ADAMTS6: variants seen among roughly 807,000 people sequenced by gnomAD.
The protein encoded by ADAMTS6 is ADAM metallopeptidase with thrombospondin type 1 motif 6.
A neutral mutation model predicts 144.3 loss-of-function variants in ADAMTS6; 23 were observed. The ratio of observed to expected loss-of-function variants is 0.16; its 90% CI spans 0.11 to 0.23. ADAMTS6 has a LOEUF of 0.23. ADAMTS6 is among the 10% of genes least tolerant of loss of function. The pLI, the probability that ADAMTS6 is intolerant of heterozygous loss-of-function variation, is 1.00. For missense variants in ADAMTS6, 999 were observed against 1,379.6 expected, an observed-to-expected ratio of 0.72 and a Z score of 4.37; for synonymous variants, 444 against 457.5, an observed-to-expected ratio of 0.97 and a Z score of 0.38.
chr5:65,457,327 G>C (rs1209581127), intron 4 of ADAMTS6, among the ~76,000 whole-genome samples: 1 of 152,184 alleles, frequency 6.6e-6, no homozygotes, highest in Non-Finnish European at 1.5e-5. Flanking sequence ...AAATAGACTA[G>C]AGTTTGGGGT....
At chr5:65,178,129 G>A (rs890752659) in intron 22 of ADAMTS6, among the ~76,000 whole-genome samples, 5 of 152,216 alleles carry the variant, frequency 3.3e-5, no homozygotes, top group African/African-American at 1.2e-4. Context: ...CCGAGCGGAT[G>A]TGTGATGGTA....
intron 20 of ADAMTS6, among the ~76,000 whole-genome samples, chr5:65,211,100 A>G (rs554747932): frequency 1.3e-5 from 2 of 152,254 alleles, no homozygotes; most frequent in South Asian, 4.1e-4. Context: ...ATTAAGGAGA[A>G]GATGACTCTG....
At chr5:65,292,977 T>C (rs747861911) in intron 10 of ADAMTS6, among the ~76,000 whole-genome samples, 5 of 152,122 alleles carry the variant, frequency 3.3e-5, no homozygotes, top group Admixed American at 6.5e-5. Flanking sequence ...AAATTACCTC[T>C]AGATGAATTT....
chr5:65,453,818 A>C (rs1225979551), intron 4 of ADAMTS6, among the ~76,000 whole-genome samples: 1 of 152,210 alleles, frequency 6.6e-6, no homozygotes, highest in African/African-American at 2.4e-5. Flanking sequence ...GTGAGGAATA[A>C]TTAGATTAAT....
At chr5:65,425,005 G>GT (rs201343092) in intron 7 of ADAMTS6, among the ~76,000 whole-genome samples, 1,900 of 151,294 alleles carry the variant, frequency 0.013, 40 homozygotes, top group African/African-American at 0.044. Context: ...TGTTTGTTTT[G>GT]TTTTTTTTGA....
At chr5:65,358,385 T>C (rs1203052955) in intron 7 of ADAMTS6, among the ~76,000 whole-genome samples, 2 of 151,666 alleles carry the variant, frequency 1.3e-5, no homozygotes, top group Non-Finnish European at 3.0e-5. Context: ...AAGGTGAAGG[T>C]TTTTCCTCTA....
intron 15 of ADAMTS6, among the ~76,000 whole-genome samples, chr5:65,232,395 A>C (rs1299009756): frequency 1.3e-5 from 2 of 152,124 alleles, no homozygotes; most frequent in Non-Finnish European, 2.9e-5. Flanking sequence ...AAATAAAATA[A>C]ATTGAAAAGA....
At chr5:65,390,789 C>T (rs1375588267) in intron 7 of ADAMTS6, among the ~76,000 whole-genome samples, 1 of 152,166 alleles carries the variant, frequency 6.6e-6, no homozygotes. Context: ...GAATTATAGA[C>T]ACCAGAGCTA....
chr5:65,193,881 CAA>C (rs1235784050), intron 21 of ADAMTS6, among the ~76,000 whole-genome samples: 1 of 152,100 alleles, frequency 6.6e-6, no homozygotes, highest in Non-Finnish European at 1.5e-5. Context: ...TAAACGTTGT[CAA>C]AGACTTCAAA....
chr5:65,291,210 C>A, intron 11 of ADAMTS6, 119 bp downstream of exon 11: 1 of 1,221,370 alleles, frequency 8.2e-7, no homozygotes, highest in Non-Finnish European at 1.1e-6. Context: ...GTGTCAAAAG[C>A]CATATTTAAA....
intron 7 of ADAMTS6, among the ~76,000 whole-genome samples, chr5:65,436,485 C>T (rs1435763817): frequency 6.6e-6 from 1 of 152,082 alleles, no homozygotes; most frequent in Non-Finnish European, 1.5e-5. Flanking sequence ...CACCTCAAAG[C>T]CAGGCTTCAT....
chr5:65,200,452 A>G (rs1410085564), intron 20 of ADAMTS6, among the ~76,000 whole-genome samples: 1 of 152,210 alleles, frequency 6.6e-6, no homozygotes, highest in Non-Finnish European at 1.5e-5. Context: ...AAACATTGCT[A>G]AGATGTTGAT....
intron 16 of ADAMTS6, among the ~76,000 whole-genome samples, chr5:65,225,786 T>A (rs752204294): frequency 2.6e-5 from 4 of 152,216 alleles, no homozygotes; most frequent in Non-Finnish European, 5.9e-5. Context: ...TCTCTTTTTC[T>A]ATCATCTTGT....
At chr5:65,223,518 T>C (rs910285651) in intron 18 of ADAMTS6, among the ~76,000 whole-genome samples, 1 of 152,192 alleles carries the variant, frequency 6.6e-6, no homozygotes, top group Non-Finnish European at 1.5e-5. Context: ...ACACTCTCTG[T>C]TTGACTTTTT....
chr5:65,347,321 A>G (rs1427365335), intron 7 of ADAMTS6, among the ~76,000 whole-genome samples: 31 of 152,068 alleles, frequency 2.0e-4, no homozygotes. Context: ...CCAATGGAAC[A>G]GAACAGAGAG....
At chr5:65,444,077 T>C (rs1262889558) in intron 7 of ADAMTS6, among the ~76,000 whole-genome samples, 1 of 152,186 alleles carries the variant, frequency 6.6e-6, no homozygotes, top group Admixed American at 6.6e-5. Flanking sequence ...ATCATCTTTA[T>C]ATATGGAATC....
At chr5:65,448,323 GGATAACATTTTGAGTTTTT>G (rs1254481025) in intron 7 of ADAMTS6, among the ~76,000 whole-genome samples, 3 of 152,078 alleles carry the variant, frequency 2.0e-5, no homozygotes, top group Non-Finnish European at 4.4e-5. Context: ...GTAAAAGACG[GGATAACATTTTGAGTTTTT>G]AAAAGTAACT....
At chr5:65,444,505 T>C (rs1313146132) in intron 7 of ADAMTS6, among the ~76,000 whole-genome samples, 1 of 152,162 alleles carries the variant, frequency 6.6e-6, no homozygotes, top group Non-Finnish European at 1.5e-5. Flanking sequence ...AACAGTATCA[T>C]GGACAATAAC....
intron 3 of ADAMTS6, among the ~76,000 whole-genome samples, chr5:65,460,581 T>A (rs986164765): frequency 6.6e-6 from 1 of 152,222 alleles, no homozygotes; most frequent in Non-Finnish European, 1.5e-5. Flanking sequence ...ACATACGTGA[T>A]TTCCTCCAAT....
Sources: allele counts gnomAD v4.1 joint callset (sites outside exome capture counted in the v4.1 genomes callset), GRCh38; gene constraint gnomAD v4.1.1; transcripts MANE v1.5; gene names NCBI Gene and HGNC (gene_info 2026-07-23, HGNC 2026-07-21).